Variants in MBD5 observed in about 807,000 individuals in gnomAD.
MBD5 encodes the protein methyl-CpG-binding domain protein 5.
Under a neutral mutation model 117.3 loss-of-function variants are expected in MBD5, and 13 were observed. The observed-to-expected ratio is 0.11, with a 90% CI of 0.07 to 0.18. The LOEUF (loss-of-function observed/expected upper bound fraction) is 0.18, where lower values mean the gene tolerates loss of function less well. MBD5 is among the 10% of genes least tolerant of loss of function. The pLI, the probability that MBD5 is intolerant of heterozygous loss-of-function variation, is 1.00. For synonymous variants in MBD5, 727 were observed against 766.4 expected, an observed-to-expected ratio of 0.95 and a Z score of 0.85; for missense variants, 1,879 against 2,093.8, an observed-to-expected ratio of 0.90 and a Z score of 2.00.
intron 2 of MBD5, among the ~76,000 whole-genome samples, chr2:148,228,930 G>T (rs918120973): frequency 6.6e-6 from 1 of 152,176 alleles, no homozygotes; most frequent in Non-Finnish European, 1.5e-5. Context: ...ATGGTAGTTT[G>T]TATTTCTGTG....
intron 3 of MBD5, among the ~76,000 whole-genome samples, chr2:148,316,717 T>TA (rs1231806864): frequency 6.6e-6 from 1 of 152,016 alleles, no homozygotes; most frequent in African/African-American, 2.4e-5. Flanking sequence ...ATGAACAAAT[T>TA]AAAAAAATGA....
chr2:148,450,537 T>C (rs1706696018), intron 4 of MBD5, among the ~76,000 whole-genome samples: 1 of 152,214 alleles, frequency 6.6e-6, no homozygotes, highest in Non-Finnish European at 1.5e-5. Context: ...TCAGCTGGAC[T>C]GGCTGGACAG....
chr2:148,235,447 A>G (rs1219144055), intron 3 of MBD5, among the ~76,000 whole-genome samples: 1 of 152,150 alleles, frequency 6.6e-6, no homozygotes, highest in African/African-American at 2.4e-5. Flanking sequence ...ATTTCATTCT[A>G]TTTGTGACCA....
chr2:148,371,360 A>G (rs1703847795), intron 4 of MBD5, among the ~76,000 whole-genome samples: 1 of 152,114 alleles, frequency 6.6e-6, no homozygotes, highest in Admixed American at 6.6e-5. Flanking sequence ...CCTCAATTAG[A>G]TATTTTTTAG....
chr2:148,134,106 G>A (rs544138749), intron 1 of MBD5, among the ~76,000 whole-genome samples: 28 of 152,034 alleles, frequency 1.8e-4, no homozygotes, highest in African/African-American at 4.1e-4. Flanking sequence ...GCTGATGGCC[G>A]TGTATTAGCC....
intron 13 of MBD5, among the ~76,000 whole-genome samples, chr2:148,511,043 T>C (rs1215904135): frequency 6.6e-6 from 1 of 152,122 alleles, no homozygotes; most frequent in Non-Finnish European, 1.5e-5. Context: ...CTCAGCACAG[T>C]ATAAGCCATT....
At chr2:148,056,183 A>AT (rs974411344) in intron 1 of MBD5, 2 of 151,552 alleles carry the variant, frequency 1.3e-5, no homozygotes, top group African/African-American at 2.4e-5. Context: ...TCTTTTGTAC[A>AT]TTTTTTTATA....
At chr2:148,318,583 A>G (rs1476837787) in intron 3 of MBD5, among the ~76,000 whole-genome samples, 1 of 152,146 alleles carries the variant, frequency 6.6e-6, no homozygotes, top group Non-Finnish European at 1.5e-5. Context: ...AGGATTTTAT[A>G]GTTCCCAATC....
At chr2:148,323,326 A>G (rs1702341983) in intron 3 of MBD5, among the ~76,000 whole-genome samples, 1 of 152,072 alleles carries the variant, frequency 6.6e-6, no homozygotes, top group African/African-American at 2.4e-5. Flanking sequence ...GTGTCTTTAT[A>G]GCAGCATGAT....
intron 2 of MBD5, among the ~76,000 whole-genome samples, chr2:148,219,340 C>A (rs1226291654): frequency 1.3e-5 from 2 of 152,042 alleles, no homozygotes; most frequent in Non-Finnish European, 2.9e-5. Flanking sequence ...TTCTGGAGTA[C>A]CTCCTGGAGG....
At chr2:148,269,668 G>GTTTTTTTTTTT (rs11316954) in intron 3 of MBD5, among the ~76,000 whole-genome samples, 3 of 125,852 alleles carry the variant, frequency 2.4e-5, no homozygotes, top group African/African-American at 5.9e-5. Context: ...AGTTTTTTTA[G>GTTTTTTTTTTT]TTTTTTTTTT....
chr2:148,335,737 TA>T (rs1355715150), intron 3 of MBD5, among the ~76,000 whole-genome samples: 1 of 151,554 alleles, frequency 6.6e-6, no homozygotes, highest in Non-Finnish European at 1.5e-5. Context: ...ATAATAATAA[TA>T]AAATAATAAT....
chr2:148,257,102 A>G (rs1182686818), intron 3 of MBD5, among the ~76,000 whole-genome samples: 1 of 152,218 alleles, frequency 6.6e-6, no homozygotes, highest in East Asian at 1.9e-4. Context: ...AACAGAACTC[A>G]GCTCCCTTCC....
chr2:148,485,475 A>G (rs914666573), intron 9 of MBD5: 7 of 419,380 alleles, frequency 1.7e-5, no homozygotes, highest in African/African-American at 1.2e-4. Context: ...CTGCAGCTCA[A>G]TATATAAGGA....
intron 1 of MBD5, among the ~76,000 whole-genome samples, chr2:148,081,782 C>T (rs529134288): frequency 1.3e-5 from 2 of 152,190 alleles, no homozygotes; most frequent in South Asian, 4.1e-4. Context: ...TTTCTTTGTT[C>T]CTTCCCCATT....
rs568994021 is a variant in MBD5 at position 148,226,525 on chromosome 2, G to C, written c.-830-6720G>C. Among the ~76,000 whole-genome samples, 41 of 152,260 alleles carry C rather than the reference G, an allele frequency of 2.7e-4. 1 individual carries two copies. The South Asian group carries it at 8.1e-3, about 30-fold the overall frequency. ...TCCAGTCTACCATTGTTGGACATTTGGGTTGGTTCCAAGTCTTTGCTATTG... is the reference window on the plus strand; with the variant it reads ...TCCAGTCTACCATTGTTGGACATTTCGGTTGGTTCCAAGTCTTTGCTATTG... On this transcript the variant is annotated intron_variant, in intron 2 of 13. Coordinates refer to ENST00000642680, the MANE Select transcript of MBD5 (RefSeq NM_001378120.1).
intron 1 of MBD5, among the ~76,000 whole-genome samples, chr2:148,022,463 A>G (rs1693780994): frequency 6.6e-6 from 1 of 152,208 alleles, no homozygotes; most frequent in South Asian, 2.1e-4. Flanking sequence ...CTTATTTTCC[A>G]TATGATGAGA....
At chr2:148,394,217 A>G (rs1704640362) in intron 4 of MBD5, among the ~76,000 whole-genome samples, 1 of 152,186 alleles carries the variant, frequency 6.6e-6, no homozygotes, top group Non-Finnish European at 1.5e-5. Flanking sequence ...CTCATAAATA[A>G]TAACTTGAGT....
chr2:148,405,902 T>A (rs1470141675), intron 4 of MBD5, among the ~76,000 whole-genome samples: 3 of 152,204 alleles, frequency 2.0e-5, no homozygotes, highest in Non-Finnish European at 4.4e-5. Flanking sequence ...GTGGATTGCT[T>A]GAGCCCAGGA....
Sources: allele counts gnomAD v4.1 joint callset (sites outside exome capture counted in the v4.1 genomes callset), GRCh38; gene constraint gnomAD v4.1.1; transcripts MANE v1.5; gene names NCBI Gene and HGNC (gene_info 2026-07-23, HGNC 2026-07-21).